The following DISC1 variants were observed in gnomAD, a reference collection of about 807,000 sequenced individuals.
The protein encoded by DISC1 is DISC1 scaffold protein.
In DISC1, 57 loss-of-function variants were observed where a neutral mutation model predicts 84.5. The ratio of observed to expected loss-of-function variants is 0.67; its 90% CI spans 0.55 to 0.84. The LOEUF (loss-of-function observed/expected upper bound fraction) is 0.84. Ranked by LOEUF, DISC1 falls within the 40% of genes least tolerant of loss-of-function variation. The pLI, the probability that DISC1 is intolerant of heterozygous loss-of-function variation, is 0.00. For missense variants in DISC1, 1,000 were observed against 1,057.8 expected (o/e 0.95, Z 0.76); for synonymous variants, 411 against 415.2 (o/e 0.99, Z 0.12).
intron 9 of DISC1, among the ~76,000 whole-genome samples, chr1:231,883,058 C>A (rs150287402): frequency 6.6e-6 from 1 of 151,778 alleles, no homozygotes; most frequent in Non-Finnish European, 1.5e-5. Flanking sequence ...TAGCACAGAG[C>A]GACAGATGCC....
At chr1:231,722,442 A>G (rs376083212) in intron 3 of DISC1, 1 of 1,580,518 alleles carries the variant, frequency 6.3e-7, no homozygotes. Context: ...AAGTGTGTCC[A>G]GCATAAACAT....
At chr1:231,896,776 G>C (rs1325574452) in intron 9 of DISC1, among the ~76,000 whole-genome samples, 1 of 152,162 alleles carries the variant, frequency 6.6e-6, no homozygotes, top group African/African-American at 2.4e-5. Flanking sequence ...CACCAACATA[G>C]TGTCTGGCAC....
chr1:231,788,480 G>A (rs896421016), intron 6 of DISC1, among the ~76,000 whole-genome samples: 2 of 152,280 alleles, frequency 1.3e-5, no homozygotes, highest in Middle Eastern at 3.4e-3. Flanking sequence ...TCATGTCGGA[G>A]TATGGTTGAT....
chr1:232,001,179 A>G (rs565148387), intron 10 of DISC1, among the ~76,000 whole-genome samples: 1 of 152,242 alleles, frequency 6.6e-6, no homozygotes, highest in East Asian at 1.9e-4. Flanking sequence ...CCCAGGTTCA[A>G]GTGATTCCCC....
At chr1:231,719,644 G>T (rs1318024131) in intron 3 of DISC1, among the ~76,000 whole-genome samples, 6 of 152,212 alleles carry the variant, frequency 3.9e-5, no homozygotes, top group African/African-American at 1.4e-4. Flanking sequence ...CAGAATGAAT[G>T]TTTGTTAAAT....
Position 231,992,423 on chromosome 1 carries a change from C to A in DISC1, c.2043-16362C>A, listed in dbSNP as rs574880930. Among the ~76,000 whole-genome samples the A allele has an allele frequency of 1.7e-4, 26 of 152,260 alleles. 1 individual carries two copies. Among genetic ancestry groups the A allele is most frequent in the Middle Eastern group, 3.4e-3 (1 of 294 alleles). On this transcript the variant is annotated intron_variant, in intron 10 of 12. Coordinates refer to ENST00000439617, the MANE Select transcript of DISC1 (RefSeq NM_018662.3). ...TAATAAATCTAACTCATAGACCATG[C>A]AACGTGTTAGAAATATTTTTTTCTA...
At chr1:231,796,650 AC>A (rs2078788665) in intron 7 of DISC1, among the ~76,000 whole-genome samples, 1 of 152,190 alleles carries the variant, frequency 6.6e-6, no homozygotes, top group Non-Finnish European at 1.5e-5. Context: ...TAACTTGTGT[AC>A]AAAGAGAGCT....
chr1:231,837,394 A>G (rs2082702428), intron 9 of DISC1, among the ~76,000 whole-genome samples: 1 of 152,192 alleles, frequency 6.6e-6, no homozygotes. Context: ...TAATTACCAA[A>G]CACGGAACAA....
chr1:231,811,140 T>A (rs1271175476), intron 8 of DISC1, among the ~76,000 whole-genome samples: 2 of 152,238 alleles, frequency 1.3e-5, no homozygotes, highest in African/African-American at 4.8e-5. Context: ...ATGTTTGATG[T>A]GCAAAGCCAG....
intron 9 of DISC1, among the ~76,000 whole-genome samples, chr1:231,869,966 A>G (rs183742501): frequency 3.5e-4 from 54 of 152,268 alleles, no homozygotes; most frequent in African/African-American, 1.2e-3. Context: ...ACAAAGCTGA[A>G]CTTTAAATAG....
chr1:232,023,492 GAAAGGA>G (rs1669157809), intron 11 of DISC1, among the ~76,000 whole-genome samples: 2 of 152,062 alleles, frequency 1.3e-5, no homozygotes, highest in African/African-American at 2.4e-5. Context: ...TAGATTCCAG[GAAAGGA>G]AATTATTGGG....
In DISC1 at chr1:231,964,207, C is replaced by T. The variant is rs544644007; in HGVS notation, c.2042+5319C>T. ...GCCAGTGCTGGATGGTACAGGGGTT[C>T]CCAATAAACATGTATTGAATGAATG... On this transcript the variant is annotated intron_variant, in intron 10 of 12. Transcript: ENST00000439617. Among the ~76,000 whole-genome samples the T allele has an allele frequency of 5.9e-5, 9 of 152,180 alleles. No homozygotes were observed. In the East Asian group the frequency reaches 1.7e-3, roughly 29 times the overall value.
chr1:231,847,307 T>G (rs959801278), intron 9 of DISC1, among the ~76,000 whole-genome samples: 1 of 152,132 alleles, frequency 6.6e-6, no homozygotes, highest in Non-Finnish European at 1.5e-5. Flanking sequence ...TTGACCTCGT[T>G]TCAATGTTAT....
At chr1:231,687,118 G>C (rs1263308451) in intron 1 of DISC1, among the ~76,000 whole-genome samples, 1 of 152,066 alleles carries the variant, frequency 6.6e-6, no homozygotes, top group African/African-American at 2.4e-5. Context: ...ACATTTTCCT[G>C]TCTTCTTCTG....
chr1:231,943,884 T>C (rs1413488041), intron 9 of DISC1: 1 of 152,018 alleles, frequency 6.6e-6, no homozygotes, highest in Non-Finnish European at 1.5e-5. Flanking sequence ...CCACTACAGC[T>C]GGATAATTTT....
chr1:232,015,508 G>T (rs1350932582), intron 11 of DISC1, among the ~76,000 whole-genome samples: 1 of 152,070 alleles, frequency 6.6e-6, no homozygotes, highest in Non-Finnish European at 1.5e-5. Context: ...GAGTAGCTGA[G>T]AATTTTTGTA....
intron 6 of DISC1, among the ~76,000 whole-genome samples, chr1:231,777,079 C>A (rs1411304524): frequency 6.6e-6 from 1 of 152,058 alleles, no homozygotes; most frequent in Non-Finnish European, 1.5e-5. Flanking sequence ...CTTTCTCTCT[C>A]CTCTGTCTTT....
intron 8 of DISC1, among the ~76,000 whole-genome samples, chr1:231,812,231 T>C (rs2080377506): frequency 6.6e-6 from 1 of 152,076 alleles, no homozygotes; most frequent in Non-Finnish European, 1.5e-5. Flanking sequence ...AATTTTTTAA[T>C]TTTTTTGTAG....
At chr1:231,659,807 G>C (rs1009703058) in intron 1 of DISC1, among the ~76,000 whole-genome samples, 2 of 152,152 alleles carry the variant, frequency 1.3e-5, no homozygotes, top group African/African-American at 4.8e-5. Context: ...TCTTAATCTT[G>C]AGTTCTAATT....
Sources: allele counts gnomAD v4.1 joint callset (sites outside exome capture counted in the v4.1 genomes callset), GRCh38; gene constraint gnomAD v4.1.1; transcripts MANE v1.5; gene names NCBI Gene and HGNC (gene_info 2026-07-23, HGNC 2026-07-21).